The following EPB41L4A variants were observed in gnomAD, a reference collection of about 807,000 sequenced individuals.
EPB41L4A encodes band 4.1-like protein 4A.
Under a neutral mutation model 108.6 loss-of-function variants are expected in EPB41L4A, and 100 were observed. The ratio of observed to expected loss-of-function variants is 0.92; its 90% CI spans 0.78 to 1.09. EPB41L4A has a LOEUF of 1.09. EPB41L4A is among the 50% of genes least tolerant of loss of function. EPB41L4A has a pLI of 0.00. For synonymous variants in EPB41L4A, 319 were observed against 289.0 expected, an observed-to-expected ratio of 1.10 and a Z score of -1.05; for missense variants, 1,030 against 842.7, an observed-to-expected ratio of 1.22 and a Z score of -2.75.
intron 11 of EPB41L4A, among the ~76,000 whole-genome samples, chr5:112,237,066 T>TA (rs1172533301): frequency 6.6e-6 from 1 of 152,138 alleles, no homozygotes; most frequent in African/African-American, 2.4e-5. Context: ...TTCTCAAGTG[T>TA]AAATTCTACA....
intron 1 of EPB41L4A, among the ~76,000 whole-genome samples, chr5:112,401,050 C>T (rs1043449826): frequency 1.3e-5 from 2 of 151,992 alleles, no homozygotes; most frequent in Non-Finnish European, 2.9e-5. Flanking sequence ...CAAGAAAGAA[C>T]AAACAGCTTC....
At chr5:112,365,475 G>T (rs1759063450) in intron 1 of EPB41L4A, among the ~76,000 whole-genome samples, 1 of 138,722 alleles carries the variant, frequency 7.2e-6, no homozygotes, top group South Asian at 2.3e-4. Flanking sequence ...ACTAAAGACT[G>T]ATTTTTTTTA....
At position 112,307,445 on chromosome 5, in the gene EPB41L4A, C is replaced by A; in HGVS notation, c.145G>T (p.Val49Leu). ...SVVLDHVFHH[V>L]NLVEIDYFGL... ...AAATAATCTATCTCCACAAGGTTTA[C>A]GTGATGGAATACGTGGTCAAGGACA... Residue 49 changes from valine (V) to leucine (L), a missense_variant, in exon 2 of 23, where the codon GTA becomes TTA. By Grantham distance (32) the Val-to-Leu change is conservative (BLOSUM62 1). Coordinates refer to ENST00000261486, the MANE Select transcript of EPB41L4A (RefSeq NM_022140.5). 2 of 1,613,216 alleles carry A rather than the reference C, an allele frequency of 1.2e-6. No homozygotes were observed. The highest frequency in any genetic ancestry group is 1.7e-6 in the Non-Finnish European group (2 of 1,179,334).
intron 9 of EPB41L4A, among the ~76,000 whole-genome samples, chr5:112,255,158 A>T (rs2150421617): frequency 6.6e-6 from 1 of 150,808 alleles, no homozygotes; most frequent in Admixed American, 6.6e-5. Context: ...CCTGAAAGTC[A>T]CCCTCCTCAT....
At chr5:112,370,508 G>C (rs1759424385) in intron 1 of EPB41L4A, among the ~76,000 whole-genome samples, 1 of 152,054 alleles carries the variant, frequency 6.6e-6, no homozygotes, top group South Asian at 2.1e-4. Context: ...AATCAAATTA[G>C]ACATTTTGAT....
intron 1 of EPB41L4A, among the ~76,000 whole-genome samples, chr5:112,412,221 T>C (rs563796755): frequency 6.6e-6 from 1 of 152,216 alleles, no homozygotes; most frequent in Non-Finnish European, 1.5e-5. Context: ...CCCATCTCTC[T>C]TGTTCTAACT....
intron 9 of EPB41L4A, among the ~76,000 whole-genome samples, chr5:112,254,895 C>T (rs570191460): frequency 1.3e-5 from 2 of 152,194 alleles, no homozygotes; most frequent in East Asian, 3.9e-4. Flanking sequence ...AGTCTGTTCT[C>T]TCATATGTCC....
In EPB41L4A at chr5:112,346,215, C is replaced by CTTTTTTTT. The variant is rs1479210695; in HGVS notation, c.100-38726_100-38725insAAAAAAAA. ...AAATTCTTTAAAGTTAGGTACATTG[C>CTTTTTTTT]ATTTTTTTTTTTTTTTTTTTTTTTT... On this transcript the variant is annotated intron_variant, in intron 1 of 22. Transcript: ENST00000261486. Among the ~76,000 whole-genome samples the CTTTTTTTT allele has an allele frequency of 3.6e-3, 176 of 49,030 alleles. 6 individuals carry two copies. Among genetic ancestry groups the CTTTTTTTT allele is most frequent in the Non-Finnish European group, 6.6e-3 (123 of 18,604 alleles). 32.2% of individuals were successfully genotyped at this position (49,030 alleles called of 152,430 possible). A position where few individuals can be genotyped will look rare whatever the true frequency, so the allele number is the denominator to read the frequency against.
Position 112,260,040 on chromosome 5 carries a change from T to C in EPB41L4A, c.643-61A>G, listed in dbSNP as rs78300129. On this transcript the variant is annotated intron_variant, in intron 7 of 22. Transcript: ENST00000261486. ...CACATAAAATCTCTTTGTCAAACTA[T>C]AATTGACCATACAAATATAATTTGT... The C allele has an allele frequency of 2.0e-3, 2,391 of 1,167,950 alleles. 37 individuals are homozygous for C. The African/African-American group carries it at 0.031, about 15-fold the overall frequency. 72.3% of individuals were successfully genotyped at this position (1,167,950 alleles called of 1,614,324 possible). A position where few individuals can be genotyped will look rare whatever the true frequency, so the allele number is the denominator to read the frequency against.
intron 12 of EPB41L4A, among the ~76,000 whole-genome samples, chr5:112,218,847 G>C (rs1242217603): frequency 6.6e-6 from 1 of 152,038 alleles, no homozygotes; most frequent in Admixed American, 6.5e-5. Flanking sequence ...TGTACCTTGT[G>C]CTTGTTTCAA....
At chr5:112,258,991 T>C (rs913281047) in intron 9 of EPB41L4A, among the ~76,000 whole-genome samples, 1 of 152,220 alleles carries the variant, frequency 6.6e-6, no homozygotes, top group Non-Finnish European at 1.5e-5. Context: ...TTCTCTCCTC[T>C]GCCTTAGAAA....
At chr5:112,212,203 A>C (rs1282968859) in intron 12 of EPB41L4A, among the ~76,000 whole-genome samples, 1 of 151,918 alleles carries the variant, frequency 6.6e-6, no homozygotes, top group Admixed American at 6.6e-5. Flanking sequence ...CACAGGTAGA[A>C]CTCCATGTGG....
intron 1 of EPB41L4A, among the ~76,000 whole-genome samples, chr5:112,345,501 A>G (rs986273947): frequency 4.6e-5 from 7 of 152,176 alleles, no homozygotes; most frequent in African/African-American, 1.7e-4. Flanking sequence ...AGAAGGAAAT[A>G]TACAAAAATG....
At chr5:112,348,191 G>A (rs1001842456) in intron 1 of EPB41L4A, among the ~76,000 whole-genome samples, 16 of 152,142 alleles carry the variant, frequency 1.1e-4, no homozygotes, top group Middle Eastern at 3.4e-3. Flanking sequence ...GTTGAAGTCC[G>A]TACCCAGCTT....
At chr5:112,390,219 G>A (rs1760843353) in intron 1 of EPB41L4A, among the ~76,000 whole-genome samples, 1 of 152,186 alleles carries the variant, frequency 6.6e-6, no homozygotes, top group African/African-American at 2.4e-5. Flanking sequence ...AGCCCACAGA[G>A]GGTGAGCCAA....
intron 12 of EPB41L4A, among the ~76,000 whole-genome samples, chr5:112,154,936 C>A (rs61482608): frequency 0.17 from 26,412 of 152,090 alleles, 2,417 homozygotes; most frequent in Non-Finnish European, 0.21. Flanking sequence ...AACTTCCTAA[C>A]AACAAATTTA....
intron 1 of EPB41L4A, among the ~76,000 whole-genome samples, chr5:112,410,117 A>G (rs1167899101): frequency 6.6e-6 from 1 of 152,220 alleles, no homozygotes; most frequent in Non-Finnish European, 1.5e-5. Context: ...GAGCTGATAC[A>G]TCACTCAAAC....
chr5:112,383,234 T>C (rs1284887912), intron 1 of EPB41L4A, among the ~76,000 whole-genome samples: 1 of 152,182 alleles, frequency 6.6e-6, no homozygotes, highest in African/African-American at 2.4e-5. Flanking sequence ...AAAGATTAAG[T>C]GGAGCCAATA....
At chr5:112,168,310 T>G (rs1274442567) in intron 22 of EPB41L4A, among the ~76,000 whole-genome samples, 1 of 152,224 alleles carries the variant, frequency 6.6e-6, no homozygotes, top group Non-Finnish European at 1.5e-5. Context: ...TTAAGGTAAT[T>G]GTGATGGAGA....
Sources: gnomAD v4.1 joint callset for allele counts (sites outside exome capture counted in the v4.1 genomes callset) on GRCh38, gnomAD v4.1.1 for gene constraint, MANE v1.5 for transcripts, NCBI Gene and HGNC (gene_info 2026-07-23, HGNC 2026-07-21) for gene names.